PRKCE: variants seen among roughly 807,000 people sequenced by gnomAD.
The protein encoded by PRKCE is protein kinase C epsilon type.
PRKCE carries 16 observed loss-of-function variants against 85.4 expected under a neutral mutation model. That is an observed-to-expected ratio of 0.19 (90% CI 0.13 to 0.28). The LOEUF (loss-of-function observed/expected upper bound fraction) is 0.28, where lower values mean the gene tolerates loss of function less well. Ranked by LOEUF, PRKCE falls within the 10% of genes least tolerant of loss-of-function variation. PRKCE has a pLI of 1.00. For missense variants in PRKCE, 573 were observed against 975.2 expected, an observed-to-expected ratio of 0.59 and a Z score of 5.49; for synonymous variants, 388 against 371.5, an observed-to-expected ratio of 1.04 and a Z score of -0.51.
chr2:46,164,582 A>ACCCGGGGCGGGGGGTG (rs1308652213), intron 14 of PRKCE, among the ~76,000 whole-genome samples: 1 of 152,116 alleles, frequency 6.6e-6, no homozygotes, highest in Non-Finnish European at 1.5e-5. Context: ...AATCTGGGTG[A>ACCCGGGGCGGGGGGTG]CCCGGGGCGG....
At chr2:45,839,308 CA>C (rs1042703893) in intron 1 of PRKCE, among the ~76,000 whole-genome samples, 1 of 152,120 alleles carries the variant, frequency 6.6e-6, no homozygotes. Context: ...GATTTGACAC[CA>C]AAGTCTGTGT....
At chr2:45,686,468 A>T (rs908556617) in intron 1 of PRKCE, 1 of 152,224 alleles carries the variant, frequency 6.6e-6, no homozygotes, top group Admixed American at 6.5e-5. Context: ...TTGGCTTATC[A>T]TGTGCATATG....
chr2:46,004,394 C>G lies in PRKCE; in HGVS notation c.967-148C>G. On this transcript the variant is annotated intron_variant, in intron 7 of 14. Coordinates refer to ENST00000306156, the MANE Select transcript of PRKCE (RefSeq NM_005400.3). The surrounding 1 kb of genome is among the most constrained non-coding windows in gnomAD (Gnocchi z 4.1). ...TCGAACTTCATTTTGGCTACTTTGG[C>G]GATGGCTGCAAGAGGACAGAGATCT... is the stretch of plus-strand genomic sequence containing the variant. 1 of 674,762 alleles carries G rather than the reference C, an allele frequency of 1.5e-6. No individual in the cohort carries two copies. Among genetic ancestry groups the G allele is most frequent in the East Asian group, 2.9e-5 (1 of 34,498 alleles). The allele number at this position is 674,762 out of a possible 1,614,324, so 41.8% of individuals were successfully genotyped here.
chr2:45,912,623 A>G (rs1402437850), intron 2 of PRKCE, among the ~76,000 whole-genome samples: 2 of 152,184 alleles, frequency 1.3e-5, no homozygotes, highest in East Asian at 1.9e-4. Context: ...CCTGGGGACC[A>G]TGAGAGACAG....
At chr2:45,794,290 C>G (rs990455526) in intron 1 of PRKCE, among the ~76,000 whole-genome samples, 14 of 152,094 alleles carry the variant, frequency 9.2e-5, no homozygotes, top group African/African-American at 3.4e-4. Context: ...CCGAGATGAG[C>G]TCTTATGTCA....
chr2:45,958,216 A>G (rs1319703798), intron 2 of PRKCE, among the ~76,000 whole-genome samples: 5 of 151,170 alleles, frequency 3.3e-5, no homozygotes, highest in African/African-American at 1.2e-4. Flanking sequence ...AAAAAAAAGA[A>G]AAAGAAAATT....
intron 1 of PRKCE, among the ~76,000 whole-genome samples, chr2:45,814,388 C>G (rs1688873010): frequency 6.6e-6 from 1 of 152,218 alleles, no homozygotes; most frequent in South Asian, 2.1e-4. Context: ...TGCTCCCTGC[C>G]TGGAAGGCAG....
intron 8 of PRKCE, among the ~76,000 whole-genome samples, chr2:46,005,600 C>G (rs938776980): frequency 2.6e-5 from 4 of 152,112 alleles, no homozygotes; most frequent in African/African-American, 9.7e-5. Context: ...CAAGACTGTA[C>G]CCATGCTGGC....
At chr2:45,947,314 G>T (rs140575483) in intron 2 of PRKCE, among the ~76,000 whole-genome samples, 4 of 152,224 alleles carry the variant, frequency 2.6e-5, no homozygotes, top group Non-Finnish European at 5.9e-5. Context: ...GCCAGGGGGT[G>T]GGGGAGAGAG....
chr2:45,923,785 G>T (rs1698424276), intron 2 of PRKCE, among the ~76,000 whole-genome samples: 1 of 152,110 alleles, frequency 6.6e-6, no homozygotes. Context: ...TCACCTTGGA[G>T]GGTGGCTTTC....
intron 9 of PRKCE, among the ~76,000 whole-genome samples, chr2:46,009,304 A>G (rs181936439): frequency 5.8e-4 from 88 of 152,346 alleles, no homozygotes; most frequent in Non-Finnish European, 7.2e-4. Context: ...TTTTACAGAA[A>G]GTAAAGGGTT....
intron 2 of PRKCE, among the ~76,000 whole-genome samples, chr2:45,916,359 C>A (rs1697778568): frequency 6.6e-6 from 1 of 151,482 alleles, no homozygotes; most frequent in Non-Finnish European, 1.5e-5. Context: ...CCCATCTCAG[C>A]TTCTCAAGTA....
chr2:45,936,754 A>T (rs561014606), intron 2 of PRKCE, among the ~76,000 whole-genome samples: 1 of 152,254 alleles, frequency 6.6e-6, no homozygotes, highest in Non-Finnish European at 1.5e-5. Context: ...CTTGAGTTAA[A>T]GAAGTGTGAT....
intron 1 of PRKCE, among the ~76,000 whole-genome samples, chr2:45,665,720 C>CTATAGATAT (rs1193402987): frequency 6.6e-6 from 1 of 152,028 alleles, no homozygotes; most frequent in East Asian, 1.9e-4. Flanking sequence ...ATAGATATGT[C>CTATAGATAT]CTAGGTATTG....
chr2:46,017,179 C>T (rs959711269), intron 10 of PRKCE, among the ~76,000 whole-genome samples: 1 of 152,134 alleles, frequency 6.6e-6, no homozygotes, highest in Non-Finnish European at 1.5e-5. Flanking sequence ...CACCTTACAA[C>T]CCTGAAACTC....
At chr2:45,871,948 G>T (rs1364903702) in intron 2 of PRKCE, among the ~76,000 whole-genome samples, 1 of 152,182 alleles carries the variant, frequency 6.6e-6, no homozygotes, top group Non-Finnish European at 1.5e-5. Context: ...CATTCCACAA[G>T]TATACTGAGG....
intron 2 of PRKCE, among the ~76,000 whole-genome samples, chr2:45,860,861 C>A (rs1033225432): frequency 6.6e-6 from 1 of 152,150 alleles, no homozygotes; most frequent in African/African-American, 2.4e-5. Context: ...AGCCTCGGCC[C>A]CTCCCCATGC....
chr2:45,986,192 T>TA (rs1166934504), intron 6 of PRKCE, among the ~76,000 whole-genome samples: 1 of 152,174 alleles, frequency 6.6e-6, no homozygotes, highest in African/African-American at 2.4e-5. Flanking sequence ...TTATTTAAGA[T>TA]AAGACACGAA....
At chr2:46,112,361 G>A (rs189932741) in intron 11 of PRKCE, among the ~76,000 whole-genome samples, 1 of 151,916 alleles carries the variant, frequency 6.6e-6, no homozygotes, top group Non-Finnish European at 1.5e-5. Flanking sequence ...TTGCTTGCTT[G>A]TTTTGCTTAT....
Sources: gnomAD v4.1 joint callset for allele counts (sites outside exome capture counted in the v4.1 genomes callset) on GRCh38, gnomAD v4.1.1 for gene constraint, Gnocchi (gnomAD v3.1) non-coding constraint, MANE v1.5 for transcripts, NCBI Gene and HGNC (gene_info 2026-07-23, HGNC 2026-07-21) for gene names.